Variants in PLXNA2 observed in about 807,000 individuals in gnomAD.
The protein encoded by PLXNA2 is plexin-A2.
In PLXNA2, 91 loss-of-function variants were observed where a neutral mutation model predicts 193.5. The observed-to-expected ratio is 0.47, with a 90% CI of 0.40 to 0.56. PLXNA2 has a LOEUF of 0.56. Among genes scored for constraint, PLXNA2 ranks in the 20% least tolerant of loss-of-function variants. The pLI, the probability that PLXNA2 is intolerant of heterozygous loss-of-function variation, is 0.00. For missense variants in PLXNA2, 1,995 were observed against 2,503.2 expected (o/e 0.80, Z 4.33); for synonymous variants, 997 against 1,027.3 (o/e 0.97, Z 0.56).
At chr1:208,084,359 G>T (rs980938256) in intron 10 of PLXNA2, 21 bp downstream of exon 10, 1 of 1,611,736 alleles carries the variant, frequency 6.2e-7, no homozygotes, top group Non-Finnish European at 8.5e-7. Flanking sequence ...TCCAGGCAGG[G>T]CCCAGCCTGC....
At chr1:208,099,771 A>C (rs1360564986) in intron 5 of PLXNA2, among the ~76,000 whole-genome samples, 1 of 151,894 alleles carries the variant, frequency 6.6e-6, no homozygotes, top group African/African-American at 2.4e-5. Context: ...GGGTTTCACC[A>C]TCTTGGCCAG....
At chr1:208,204,671 G>A (rs1272124898) in intron 3 of PLXNA2, among the ~76,000 whole-genome samples, 1 of 152,206 alleles carries the variant, frequency 6.6e-6, no homozygotes, top group Non-Finnish European at 1.5e-5. Context: ...CAATACATTT[G>A]AGATCACTTT....
At position 208,026,978 on chromosome 1, in the gene PLXNA2, C is replaced by T. The variant is rs1464660476; in HGVS notation, c.*265G>A. ...AGAACTGTCCCCAGCTCGTGCCTCT[C>T]GGCTTGAAGAACCACCTTCTCCCGG... On this transcript the variant is annotated 3_prime_UTR_variant, in exon 32 of 32. Coordinates refer to ENST00000367033, the MANE Select transcript of PLXNA2 (RefSeq NM_025179.4). The T allele has an allele frequency of 1.1e-5, 4 of 380,460 alleles. No homozygotes were observed. Among genetic ancestry groups the T allele is most frequent in the Admixed American group, 4.1e-5 (1 of 24,148 alleles). The allele number at this position is 380,460 out of a possible 1,614,324, so 23.6% of individuals were successfully genotyped here.
intron 3 of PLXNA2, among the ~76,000 whole-genome samples, chr1:208,152,380 T>C (rs533733945): frequency 2.6e-5 from 4 of 152,318 alleles, no homozygotes; most frequent in African/African-American, 9.6e-5. Flanking sequence ...GCTAGTGCGC[T>C]GGGGCTGAGT....
intron 1 of PLXNA2, among the ~76,000 whole-genome samples, chr1:208,237,869 GATCT>G: frequency 6.6e-6 from 1 of 152,192 alleles, no homozygotes; most frequent in East Asian, 1.9e-4. Context: ...CTGAAGGTAA[GATCT>G]ATTACTTTTT....
chr1:208,116,164 CT>C (rs1486006177), intron 4 of PLXNA2, among the ~76,000 whole-genome samples: 1 of 152,236 alleles, frequency 6.6e-6, no homozygotes, highest in African/African-American at 2.4e-5. Flanking sequence ...GTGCAAATCC[CT>C]GGGCCCTCCC....
rs986791328 is a variant in PLXNA2 at position 208,210,271 on chromosome 1, G to T, written c.1371+9C>A. 1.2e-6 allele frequency: 2 copies of T among 1,613,470 alleles called. No homozygotes were observed. Among genetic ancestry groups the T allele is most frequent in the African/African-American group, 2.7e-5 (2 of 74,796 alleles). The stretch of plus-strand genomic sequence containing the variant: ...TGGCATTGGAGCATCTGAACTCATA[G>T]ACTCTTACCTTTTTCAGCTTGCCAC... On this transcript the variant is annotated intron_variant, in intron 3 of 31. Coordinates refer to ENST00000367033, the MANE Select transcript of PLXNA2 (RefSeq NM_025179.4).
intron 3 of PLXNA2, among the ~76,000 whole-genome samples, chr1:208,148,278 T>C (rs1452287352): frequency 6.8e-6 from 1 of 146,732 alleles, no homozygotes; most frequent in Non-Finnish European, 1.5e-5. Context: ...AGTAATAGTA[T>C]ATATAGGTTT....
At chr1:208,051,197 G>A in intron 16 of PLXNA2, 59 bp downstream of exon 16, 1 of 1,591,614 alleles carries the variant, frequency 6.3e-7, no homozygotes, top group South Asian at 1.1e-5. Flanking sequence ...AGCCAGACTT[G>A]GGCTGCAGGG....
intron 1 of PLXNA2, among the ~76,000 whole-genome samples, chr1:208,237,182 C>T (rs1461549215): frequency 1.3e-5 from 2 of 152,196 alleles, no homozygotes; most frequent in Non-Finnish European, 2.9e-5. Context: ...TCTTTATGGA[C>T]AGAAAGCTTT....
chr1:208,074,793 A>G (rs1406412472), intron 12 of PLXNA2, among the ~76,000 whole-genome samples: 2 of 152,192 alleles, frequency 1.3e-5, no homozygotes, highest in African/African-American at 2.4e-5. Flanking sequence ...AGGCCATCTT[A>G]GAATCCTTCT....
chr1:208,199,975 G>A (rs7533893), intron 3 of PLXNA2, among the ~76,000 whole-genome samples: 1,612 of 152,334 alleles, frequency 0.011, 34 homozygotes, highest in African/African-American at 0.037. Context: ...GCTTGATAGC[G>A]TCAATCTTAT....
intron 3 of PLXNA2, among the ~76,000 whole-genome samples, chr1:208,167,696 C>T (rs1297959794): frequency 6.6e-6 from 1 of 152,254 alleles, no homozygotes; most frequent in Non-Finnish European, 1.5e-5. Context: ...CAGCTGCGCT[C>T]TTCCCTAACG....
At chr1:208,225,100 G>C (rs1389622719) in intron 1 of PLXNA2, among the ~76,000 whole-genome samples, 2 of 152,140 alleles carry the variant, frequency 1.3e-5, no homozygotes, top group Non-Finnish European at 1.5e-5. Flanking sequence ...ACATATGTGC[G>C]TGACAGTGAG....
chr1:208,100,450 C>T (rs1197300850), intron 5 of PLXNA2, among the ~76,000 whole-genome samples: 1 of 152,004 alleles, frequency 6.6e-6, no homozygotes, highest in East Asian at 1.9e-4. Context: ...TGGCCTGGCG[C>T]ATAGTAGGTG....
intron 12 of PLXNA2, among the ~76,000 whole-genome samples, chr1:208,073,428 T>A (rs1490398617): frequency 6.6e-6 from 1 of 152,192 alleles, no homozygotes; most frequent in Non-Finnish European, 1.5e-5. Context: ...GGGGCTACAT[T>A]GGAAGAGGCT....
At chr1:208,126,453 G>C (rs1667979108) in intron 4 of PLXNA2, among the ~76,000 whole-genome samples, 1 of 152,280 alleles carries the variant, frequency 6.6e-6, no homozygotes, top group Admixed American at 6.5e-5. Context: ...ACCAAGGCTT[G>C]TATTGGAAAA....
chr1:208,057,720 C>T (rs575829361), intron 13 of PLXNA2, among the ~76,000 whole-genome samples: 1 of 152,272 alleles, frequency 6.6e-6, no homozygotes, highest in East Asian at 1.9e-4. Context: ...CCTAGATTCT[C>T]TCCTTATAAA....
chr1:208,170,716 AC>A (rs1193074184), intron 3 of PLXNA2, among the ~76,000 whole-genome samples: 1 of 152,222 alleles, frequency 6.6e-6, no homozygotes, highest in Non-Finnish European at 1.5e-5. Context: ...ATTGCCTTTT[AC>A]CCTATAATCT....
Sources: allele counts gnomAD v4.1 joint callset (sites outside exome capture counted in the v4.1 genomes callset), GRCh38; gene constraint gnomAD v4.1.1; transcripts MANE v1.5; gene names NCBI Gene and HGNC (gene_info 2026-07-23, HGNC 2026-07-21).